Variants in DDC observed in about 807,000 individuals in gnomAD.
DDC encodes dopa decarboxylase.
In DDC, 43 loss-of-function variants were observed where a neutral mutation model predicts 60.0. The ratio of observed to expected loss-of-function variants is 0.72; its 90% CI spans 0.56 to 0.92. DDC has a LOEUF of 0.92. Ranked by LOEUF, DDC falls within the 40% of genes least tolerant of loss-of-function variation. The pLI, the probability that DDC is intolerant of heterozygous loss-of-function variation, is 0.00. For missense variants in DDC, 573 were observed against 620.2 expected (o/e 0.92, Z 0.81); for synonymous variants, 232 against 234.6 (o/e 0.99, Z 0.10).
chr7:50,474,128 A>G (rs546560057), intron 11 of DDC, among the ~76,000 whole-genome samples: 2 of 152,374 alleles, frequency 1.3e-5, no homozygotes, highest in Admixed American at 6.5e-5. Context: ...GCTGGAGCAC[A>G]GGTTGCTGAT....
At chr7:50,473,503 G>A (rs2042577780) in intron 11 of DDC, among the ~76,000 whole-genome samples, 1 of 152,212 alleles carries the variant, frequency 6.6e-6, no homozygotes, top group Admixed American at 6.5e-5. Flanking sequence ...CCCCTCATCA[G>A]CCATGAAACA....
chr7:50,475,288 C>T (rs2153535259), intron 11 of DDC, among the ~76,000 whole-genome samples: 1 of 152,296 alleles, frequency 6.6e-6, no homozygotes, highest in Middle Eastern at 3.4e-3. Context: ...ATTTTCCCTT[C>T]AATAATAACT....
chr7:50,464,613 T>C (rs1446898510), intron 13 of DDC, among the ~76,000 whole-genome samples: 3 of 152,192 alleles, frequency 2.0e-5, no homozygotes, highest in Non-Finnish European at 4.4e-5. Flanking sequence ...CTTGCCATTT[T>C]CAAACAGACT....
intron 6 of DDC, among the ~76,000 whole-genome samples, chr7:50,516,412 G>A (rs568113984): frequency 1.3e-5 from 2 of 152,178 alleles, no homozygotes; most frequent in South Asian, 4.1e-4. Flanking sequence ...CAAAACCTCT[G>A]GGATACAGCA....
intron 6 of DDC, among the ~76,000 whole-genome samples, chr7:50,513,344 A>G (rs1161766656): frequency 6.6e-6 from 1 of 152,228 alleles, no homozygotes; most frequent in Non-Finnish European, 1.5e-5. Flanking sequence ...CTGGGTTCCC[A>G]AGCAGGTCAT....
intron 9 of DDC, among the ~76,000 whole-genome samples, chr7:50,487,211 G>T (rs1182527920): frequency 6.6e-6 from 1 of 152,076 alleles, no homozygotes; most frequent in African/African-American, 2.4e-5. Context: ...CAGACTAATA[G>T]AAACTAGCTC....
chr7:50,491,510 C>CT (rs1220689653), intron 9 of DDC, among the ~76,000 whole-genome samples: 1 of 152,020 alleles, frequency 6.6e-6, no homozygotes, highest in Non-Finnish European at 1.5e-5. Flanking sequence ...TTTCTGAAGA[C>CT]TTTTTTTAAA....
intron 10 of DDC, chr7:50,477,554 CT>C (rs1366064583): frequency 2.2e-6 from 1 of 457,408 alleles, no homozygotes; most frequent in African/African-American, 2.0e-5. Flanking sequence ...CCACCCTGCA[CT>C]TCATCCACTG....
intron 10 of DDC, among the ~76,000 whole-genome samples, chr7:50,478,388 C>T (rs1312917734): frequency 1.3e-5 from 2 of 152,174 alleles, no homozygotes; most frequent in Non-Finnish European, 1.5e-5. Flanking sequence ...TTTAGTTCTT[C>T]AACAGATGAG....
intron 1 of DDC, among the ~76,000 whole-genome samples, chr7:50,558,902 G>A (rs2045266462): frequency 6.6e-6 from 1 of 152,180 alleles, no homozygotes; most frequent in Admixed American, 6.5e-5. Context: ...AGGGGAATGT[G>A]GCTTCGGGTG....
At chr7:50,482,971 C>G (rs1445867573) in intron 9 of DDC, among the ~76,000 whole-genome samples, 1 of 151,728 alleles carries the variant, frequency 6.6e-6, no homozygotes, top group Non-Finnish European at 1.5e-5. Context: ...TTTATGTCTT[C>G]CATACTGATC....
In DDC at chr7:50,496,428, C is replaced by G. The variant is rs1320839122; in HGVS notation, c.877-1011G>C. 3.3e-5 allele frequency among the ~76,000 whole-genome samples: 5 copies of G among 152,094 alleles called. No homozygotes were observed. In the East Asian group the frequency reaches 9.6e-4, roughly 29 times the overall value. On this transcript the variant is annotated intron_variant, in intron 8 of 14. Transcript: ENST00000444124. ...TTAAAGTTCATTGTATTCCTAACAGCTACAGGCTCCCGTAGCTGGAAGATC... is the reference window on the plus strand; with the variant it reads ...TTAAAGTTCATTGTATTCCTAACAGGTACAGGCTCCCGTAGCTGGAAGATC...
chr7:50,532,120 T>G (rs1231717142), intron 4 of DDC, among the ~76,000 whole-genome samples: 2 of 152,210 alleles, frequency 1.3e-5, no homozygotes, highest in Non-Finnish European at 2.9e-5. Flanking sequence ...ATTACAGCTC[T>G]GAGGGGATCA....
intron 1 of DDC, among the ~76,000 whole-genome samples, chr7:50,552,173 G>C (rs115722874): frequency 0.012 from 1,839 of 152,256 alleles, 36 homozygotes; most frequent in African/African-American, 0.042. Flanking sequence ...CTTTTTAGAA[G>C]GCTCTTAGCA....
Position 50,486,953 on chromosome 7 carries a change from C to T in DDC, c.945-7090G>A, listed in dbSNP as rs112356095. Among the ~76,000 whole-genome samples, 1,514 of 152,144 alleles carry T rather than the reference C, an allele frequency of 1.0e-2. 21 individuals are homozygous for T. The highest frequency in any genetic ancestry group is 0.073 in the South Asian group (350 of 4,812). Reference sequence around the variant, plus strand: ...ACATAATTGACTATTCCCCTGCCTGCTCCTTTTCTCTTGCAACACGTGGAT... The same window carrying T: ...ACATAATTGACTATTCCCCTGCCTGTTCCTTTTCTCTTGCAACACGTGGAT... On this transcript the variant is annotated intron_variant, in intron 9 of 14. Coordinates refer to ENST00000444124, the MANE Select transcript of DDC (RefSeq NM_001082971.2).
chr7:50,472,241 C>T (rs2042549540), intron 11 of DDC, among the ~76,000 whole-genome samples: 1 of 152,166 alleles, frequency 6.6e-6, no homozygotes, highest in Non-Finnish European at 1.5e-5. Context: ...CCAAGCCCAG[C>T]ACCTGGCTTG....
In DDC at chr7:50,500,271, G is replaced by A. The variant is rs552368048; in HGVS notation, c.782-1029C>T. On this transcript the variant is annotated intron_variant, in intron 7 of 14. Coordinates refer to ENST00000444124, the MANE Select transcript of DDC (RefSeq NM_001082971.2). The stretch of plus-strand genomic sequence containing the variant: ...CATGGTGCTCATTGTGCAATGAGGC[G>A]TGAGACTCTCAGGGGCACTAATTAG... Among the ~76,000 whole-genome samples the A allele has an allele frequency of 1.2e-4, 18 of 152,212 alleles. No individual in the cohort carries two copies. The South Asian group carries it at 2.9e-3, about 25-fold the overall frequency.
chr7:50,493,822 A>G (rs2043062944), intron 9 of DDC, among the ~76,000 whole-genome samples: 1 of 152,174 alleles, frequency 6.6e-6, no homozygotes, highest in South Asian at 2.1e-4. Context: ...GCCTTAAAAA[A>G]AAAAACAGGA....
Position 50,479,789 on chromosome 7 carries a change from G to C in DDC, c.1019C>G (p.Ser340Ter). ...PTYLKHSHQD[S>*]GLITDYRHWQ... ...CAGAAAGCAGGCTCACAGCTTACCT[G>C]AATCCTGATGGCTGTGCTTCAGGTA... The change falls in exon 10 of 15, where the codon TCA (serine) becomes TGA (stop). Residue 340 changes from serine (S) to a stop codon, truncating the protein, a stop_gained and splice_region_variant. Transcript: ENST00000444124. LOFTEE classifies it high-confidence loss of function. 6.2e-7 allele frequency: 1 copy of C among 1,613,368 alleles called. No homozygotes were observed. The highest frequency in any genetic ancestry group is 8.5e-7 in the Non-Finnish European group (1 of 1,179,744).
Sources: allele counts gnomAD v4.1 joint callset (sites outside exome capture counted in the v4.1 genomes callset), GRCh38; gene constraint gnomAD v4.1.1; transcripts MANE v1.5; gene names NCBI Gene and HGNC (gene_info 2026-07-23, HGNC 2026-07-21).